KCNQ3: variants seen among roughly 807,000 people sequenced by gnomAD.
KCNQ3 encodes the protein potassium voltage-gated channel subfamily Q member 3.
A neutral mutation model predicts 92.5 loss-of-function variants in KCNQ3; 30 were observed. The ratio of observed to expected loss-of-function variants is 0.32; its 90% CI spans 0.24 to 0.44. KCNQ3 has a LOEUF of 0.44. Among genes scored for constraint, KCNQ3 ranks in the 20% least tolerant of loss-of-function variants. The pLI is 1.00. For missense variants in KCNQ3, 913 were observed against 1,140.3 expected (o/e 0.80, Z 2.87); for synonymous variants, 450 against 468.8 (o/e 0.96, Z 0.52).
chr8:132,389,024 C>A (rs1010710514), intron 1 of KCNQ3, among the ~76,000 whole-genome samples: 1 of 152,060 alleles, frequency 6.6e-6, no homozygotes, highest in African/African-American at 2.4e-5. Context: ...CTACCTCACA[C>A]CATATACAAA....
At chr8:132,405,270 T>A (rs191515020) in intron 1 of KCNQ3, among the ~76,000 whole-genome samples, 1 of 152,276 alleles carries the variant, frequency 6.6e-6, no homozygotes, top group East Asian at 1.9e-4. Context: ...TCAGCCCTCA[T>A]GCTGCAAGGG....
At chr8:132,353,205 A>G (rs1373696157) in intron 1 of KCNQ3, among the ~76,000 whole-genome samples, 1 of 151,578 alleles carries the variant, frequency 6.6e-6, no homozygotes, top group African/African-American at 2.4e-5. Context: ...CAGCCTGGGC[A>G]ACAAGAGTGA....
intron 1 of KCNQ3, among the ~76,000 whole-genome samples, chr8:132,369,341 T>C (rs769291049): frequency 2.6e-5 from 4 of 152,176 alleles, no homozygotes; most frequent in Non-Finnish European, 4.4e-5. Context: ...TGGGGAGTTA[T>C]GTTCTACTTC....
intron 1 of KCNQ3, among the ~76,000 whole-genome samples, chr8:132,477,714 G>GC (rs1405545883): frequency 6.6e-6 from 1 of 152,158 alleles, no homozygotes; most frequent in Non-Finnish European, 1.5e-5. Context: ...GTTCTGACCA[G>GC]CCCCCAACTT....
chr8:132,322,474 C>A (rs1397672966), intron 1 of KCNQ3, among the ~76,000 whole-genome samples: 1 of 152,194 alleles, frequency 6.6e-6, no homozygotes, highest in Non-Finnish European at 1.5e-5. Context: ...CACCCCACAC[C>A]TCCTGAGCTG....
intron 1 of KCNQ3, among the ~76,000 whole-genome samples, chr8:132,404,901 T>G (rs564011331): frequency 6.6e-6 from 1 of 152,298 alleles, no homozygotes; most frequent in African/African-American, 2.4e-5. Context: ...GTGACTTAAA[T>G]TTTCTGTGCG....
intron 1 of KCNQ3, among the ~76,000 whole-genome samples, chr8:132,416,610 A>G (rs1249683819): frequency 6.6e-6 from 1 of 152,192 alleles, no homozygotes; most frequent in African/African-American, 2.4e-5. Flanking sequence ...TGACAGAGTG[A>G]GACTCCATCT....
At chr8:132,456,807 T>C (rs1821953592) in intron 1 of KCNQ3, among the ~76,000 whole-genome samples, 1 of 151,904 alleles carries the variant, frequency 6.6e-6, no homozygotes, top group Non-Finnish European at 1.5e-5. Flanking sequence ...AGAGACGGGG[T>C]TTCATCACAT....
chr8:132,315,000 T>C (rs1398361962), intron 1 of KCNQ3, among the ~76,000 whole-genome samples: 3 of 152,106 alleles, frequency 2.0e-5, no homozygotes, highest in Admixed American at 2.0e-4. Context: ...ACCATAAAGG[T>C]AAATTGGACC....
intron 1 of KCNQ3, among the ~76,000 whole-genome samples, chr8:132,226,056 G>A (rs1320969940): frequency 2.6e-5 from 4 of 152,124 alleles, no homozygotes; most frequent in Non-Finnish European, 5.9e-5. Flanking sequence ...TGGATCACAA[G>A]GTCAGGAGAT....
chr8:132,383,665 G>A (rs370226328), intron 1 of KCNQ3, among the ~76,000 whole-genome samples: 68 of 152,304 alleles, frequency 4.5e-4, no homozygotes, highest in South Asian at 3.9e-3. Flanking sequence ...CTCAGCAGCC[G>A]AAGCAGTGCC....
At chr8:132,286,018 T>G (rs1198697596) in intron 1 of KCNQ3, among the ~76,000 whole-genome samples, 2 of 152,162 alleles carry the variant, frequency 1.3e-5, no homozygotes, top group Non-Finnish European at 2.9e-5. Context: ...GTGCAGAATG[T>G]AAGAGTTATG....
intron 9 of KCNQ3, among the ~76,000 whole-genome samples, chr8:132,145,740 T>C (rs372737119): frequency 1.4e-4 from 21 of 152,164 alleles, no homozygotes; most frequent in Non-Finnish European, 2.9e-4. Context: ...GAGAATGCAG[T>C]AATGAAGAAT....
At chr8:132,135,442 G>A (rs1049273638) in intron 12 of KCNQ3, among the ~76,000 whole-genome samples, 2 of 151,910 alleles carry the variant, frequency 1.3e-5, no homozygotes, top group Non-Finnish European at 2.9e-5. Flanking sequence ...GGCTCCTTCC[G>A]TCTCCTCCTT....
intron 1 of KCNQ3, among the ~76,000 whole-genome samples, chr8:132,434,057 A>T (rs1169552886): frequency 3.3e-5 from 5 of 151,590 alleles, no homozygotes; most frequent in African/African-American, 1.2e-4. Flanking sequence ...AAATATAAAA[A>T]ATTAGCCGGG....
At chr8:132,437,255 G>A (rs1000404004) in intron 1 of KCNQ3, among the ~76,000 whole-genome samples, 1 of 150,850 alleles carries the variant, frequency 6.6e-6, no homozygotes. Flanking sequence ...ACTCCAGCCT[G>A]GGCGACAGCG....
chr8:132,142,429 G>T (rs1825325358), intron 9 of KCNQ3, among the ~76,000 whole-genome samples: 2 of 152,172 alleles, frequency 1.3e-5, no homozygotes, highest in South Asian at 4.1e-4. Flanking sequence ...GCTATGAGAT[G>T]ATGTTTATCC....
At chr8:132,230,318 G>A (rs991949682) in intron 1 of KCNQ3, among the ~76,000 whole-genome samples, 8 of 151,798 alleles carry the variant, frequency 5.3e-5, no homozygotes, top group African/African-American at 1.9e-4. Context: ...CCAAGATAAA[G>A]CCCCCCCGCC....
chr8:132,414,422 T>G (rs1397833305), intron 1 of KCNQ3, among the ~76,000 whole-genome samples: 2 of 152,224 alleles, frequency 1.3e-5, no homozygotes, highest in Non-Finnish European at 2.9e-5. Context: ...CAGGATGACT[T>G]GCTCGGAGCC....
Sources: allele counts gnomAD v4.1 joint callset (sites outside exome capture counted in the v4.1 genomes callset), GRCh38; gene constraint gnomAD v4.1.1; transcripts MANE v1.5; gene names NCBI Gene and HGNC (gene_info 2026-07-23, HGNC 2026-07-21).